The following ADCK5 variants were observed in gnomAD, a reference collection of about 807,000 sequenced individuals.
The protein encoded by ADCK5 is aarF domain containing kinase 5, also known as uncharacterized aarF domain-containing protein kinase 5.
ADCK5 carries 43 observed loss-of-function variants against 64.9 expected under a neutral mutation model. The observed-to-expected ratio is 0.66, with a 90% CI of 0.52 to 0.85. The LOEUF is 0.85. Among genes scored for constraint, ADCK5 ranks in the 40% least tolerant of loss-of-function variants. ADCK5 has a pLI of 0.00. For synonymous variants in ADCK5, 434 were observed against 342.8 expected, an observed-to-expected ratio of 1.27 and a Z score of -2.94; for missense variants, 760 against 810.5, an observed-to-expected ratio of 0.94 and a Z score of 0.76.
rs1486666240 is a variant in ADCK5 at position 144,392,218 on chromosome 8, C to A, written c.1176-36C>A. ...GGGGCAGGGCAAGCCTCTCCTGCCGCAGGGAGCTCATGGCTGCGGGCCCAT... is the reference window on the plus strand; with the variant it reads ...GGGGCAGGGCAAGCCTCTCCTGCCGAAGGGAGCTCATGGCTGCGGGCCCAT... On this transcript the variant is annotated intron_variant, in intron 11 of 14. Coordinates refer to ENST00000308860, the MANE Select transcript of ADCK5 (RefSeq NM_174922.5). 7 of 1,547,104 alleles carry A rather than the reference C, an allele frequency of 4.5e-6. No individual in the cohort carries two copies. In the Middle Eastern group the frequency reaches 6.8e-4, roughly 150 times the overall value.
chr8:144,379,878 A>C (rs1333523160), intron 2 of ADCK5, among the ~76,000 whole-genome samples: 2 of 152,296 alleles, frequency 1.3e-5, no homozygotes, highest in African/African-American at 4.8e-5. Flanking sequence ...AGCAGAAGGA[A>C]AGGCCAGACA....
At chr8:144,390,230 G>A (rs1820147312) in intron 3 of ADCK5, among the ~76,000 whole-genome samples, 1 of 151,950 alleles carries the variant, frequency 6.6e-6, no homozygotes, top group African/African-American at 2.4e-5. Flanking sequence ...AGGCTCAAAC[G>A]ATCCTCCTGC....
chr8:144,392,729 G>C, intron 13 of ADCK5, 32 bp downstream of exon 13: 1 of 1,588,756 alleles, frequency 6.3e-7, no homozygotes, highest in Non-Finnish European at 8.6e-7. Flanking sequence ...CCGGGCCGTG[G>C]TGGGGCTGGT....
intron 2 of ADCK5, among the ~76,000 whole-genome samples, chr8:144,381,157 T>G (rs1228350474): frequency 6.9e-6 from 1 of 144,414 alleles, no homozygotes; most frequent in Non-Finnish European, 1.5e-5. Flanking sequence ...ATGGGCCGGG[T>G]GTAGAAACAG....
At chr8:144,375,666 G>C (rs539823934) in intron 1 of ADCK5, 1 of 985,244 alleles carries the variant, frequency 1.0e-6, no homozygotes, top group Non-Finnish European at 1.2e-6. Flanking sequence ...AATACTTGCC[G>C]CTTTCAAGGT....
Position 144,392,493 on chromosome 8 carries a change from G to A in ADCK5, c.1316G>A (p.Gly439Glu). The change falls in exon 13 of 15, where the codon GGG becomes GAG. Residue 439 changes from glycine (G) to glutamate (E), a missense_variant. Physicochemically the swap from Gly to Glu is moderately conservative, Grantham distance 98. Transcript: ENST00000308860. ...CTCATGCAGCGCCCCGTGCGCCTGG[G>A]GCAGCTGTGGGGCTCGCACCTACTG... ...EMLMQRPVRL[G>E]QLWGSHLLSR... The A allele has an allele frequency of 6.5e-7, 1 of 1,533,630 alleles. No homozygotes were observed.
chr8:144,392,003 G>C lies in ADCK5; in HGVS notation c.1077G>C (p.Ser359=), dbSNP rs782110176. The stretch of plus-strand genomic sequence containing the variant: ...TATTTTACACCGGCTTCATCCACTC[G>C]GACCCACATCCTGGCAACGGTAGGA... ...EQIFYTGFIH[S]DPHPGNVLVR... The change falls in exon 10 of 15, where the codon TCG becomes TCC. Residue 359 remains serine (S), a synonymous_variant. Coordinates refer to ENST00000308860, the MANE Select transcript of ADCK5 (RefSeq NM_174922.5). 6.2e-7 allele frequency: 1 copy of C among 1,612,660 alleles called. No homozygotes were observed. Among genetic ancestry groups the C allele is most frequent in the Non-Finnish European group, 8.5e-7 (1 of 1,179,956 alleles).
In ADCK5 at chr8:144,391,980, T is replaced by C; in HGVS notation, c.1054T>C (p.Phe352Leu). The change falls in exon 10 of 15, where the codon TTT (phenylalanine) becomes CTT (leucine). Residue 352 changes from phenylalanine to leucine, a missense_variant. By Grantham distance (22) the Phe-to-Leu change is conservative. Transcript: ENST00000308860. ...CATCAAGGCCTTTGCTGAGCAGATA[T>C]TTTACACCGGCTTCATCCACTCGGA... Reference protein sequence around the residue: ...KLIKAFAEQIFYTGFIHSDPH... With the variant: ...KLIKAFAEQILYTGFIHSDPH... 2 of 1,612,564 alleles carry C rather than the reference T, an allele frequency of 1.2e-6. No individual in the cohort carries two copies. Among genetic ancestry groups the C allele is most frequent in the Non-Finnish European group, 1.7e-6 (2 of 1,179,958 alleles).
At chr8:144,388,741 C>G (rs868964581) in intron 3 of ADCK5, among the ~76,000 whole-genome samples, 1 of 150,618 alleles carries the variant, frequency 6.6e-6, no homozygotes, top group Non-Finnish European at 1.5e-5. Context: ...CCAGCCTGGG[C>G]GACAGAGCGA....
intron 1 of ADCK5, chr8:144,375,322 C>T (rs2130679105): frequency 2.3e-6 from 1 of 430,296 alleles, no homozygotes; most frequent in Non-Finnish European, 3.1e-6. Flanking sequence ...TGTCTGTGGT[C>T]GCCAGACCCA....
At position 144,391,114 on chromosome 8, in the gene ADCK5, C is replaced by T; in HGVS notation, c.544-20C>T. On this transcript the variant is annotated intron_variant, in intron 5 of 14. Transcript: ENST00000308860. ...CCTCCAGCAGTGGCCCCAGGCTGCTCTGAGCACCTGTCCTTCCAGGTGGAT... is the reference window on the plus strand; with the variant it reads ...CCTCCAGCAGTGGCCCCAGGCTGCTTTGAGCACCTGTCCTTCCAGGTGGAT... 6.2e-7 allele frequency: 1 copy of T among 1,610,536 alleles called. No individual in the cohort carries two copies. The highest frequency in any genetic ancestry group is 8.5e-7 in the Non-Finnish European group (1 of 1,180,006).
At chr8:144,389,139 A>T (rs2130722383) in intron 3 of ADCK5, 1 of 384,184 alleles carries the variant, frequency 2.6e-6, no homozygotes, top group Middle Eastern at 3.7e-4. Context: ...AACTGGGGCC[A>T]GGCCTGGGGA....
intron 3 of ADCK5, among the ~76,000 whole-genome samples, chr8:144,383,765 C>A (rs1819785854): frequency 6.6e-6 from 1 of 152,294 alleles, no homozygotes; most frequent in South Asian, 2.1e-4. Context: ...TCTGTTGGAA[C>A]CCTTGGGTGG....
At chr8:144,377,238 G>A (rs149701502) in intron 1 of ADCK5, among the ~76,000 whole-genome samples, 1 of 152,292 alleles carries the variant, frequency 6.6e-6, no homozygotes, top group African/African-American at 2.4e-5. Context: ...TGAGAGCTGT[G>A]GTGTTTTCTT....
chr8:144,378,663 TG>T (rs1239642445), intron 1 of ADCK5, among the ~76,000 whole-genome samples: 3 of 152,034 alleles, frequency 2.0e-5, no homozygotes, highest in African/African-American at 7.2e-5. Flanking sequence ...GCAGATCACT[TG>T]AGGTCAGGAG....
At chr8:144,390,802 G>C (rs1056897366) in intron 4 of ADCK5, 54 bp from the exon 5 acceptor site, 93 of 1,607,036 alleles carry the variant, frequency 5.8e-5, no homozygotes, top group Non-Finnish European at 7.7e-5. Context: ...GGGCTGGGTG[G>C]GACTGAGGAG....
At position 144,392,551 on chromosome 8, in the gene ADCK5, G is replaced by A; in HGVS notation, c.1374G>A (p.Met458Ile). 1 of 1,565,468 alleles carries A rather than the reference G, an allele frequency of 6.4e-7. No individual in the cohort carries two copies. The highest frequency in any genetic ancestry group is 1.8e-5 in the Admixed American group (1 of 54,794). ...SREEAAYMVD[M>I]ARERFEAVMA... is the part of the protein sequence containing the mutation. Reference sequence around the variant, plus strand: ...AAGAGGCGGCCTACATGGTGGACATGGCCCGCGAGCGCTTCGAGGCCGTCA... The same window carrying A: ...AAGAGGCGGCCTACATGGTGGACATAGCCCGCGAGCGCTTCGAGGCCGTCA... Residue 458 changes from methionine to isoleucine, a missense_variant, in exon 13 of 15, where the codon ATG becomes ATA. Around this residue, in one of 2 missense-constraint regions of ADCK5, gnomAD observed 333 missense variants for 292.0 expected, o/e 1.14. Transcript: ENST00000308860.
chr8:144,378,362 T>A (rs1406219577), intron 1 of ADCK5, among the ~76,000 whole-genome samples: 1 of 152,152 alleles, frequency 6.6e-6, no homozygotes. Flanking sequence ...TGGGGGCAGA[T>A]TCCCCCTTGC....
chr8:144,392,391 G>A, intron 12 of ADCK5, 46 bp downstream of exon 12: 1 of 1,489,052 alleles, frequency 6.7e-7, no homozygotes, highest in South Asian at 1.3e-5. Context: ...AGGGAGTCGG[G>A]CGGCGCGGAA....
Sources: gnomAD v4.1 joint callset for allele counts (sites outside exome capture counted in the v4.1 genomes callset) on GRCh38, gnomAD v4.1.1 for gene constraint, gnomAD v4.1.1 regional missense constraint, MANE v1.5 for transcripts, NCBI Gene and HGNC (gene_info 2026-07-23, HGNC 2026-07-21) for gene names.